Variants in CHAT observed in about 807,000 individuals in gnomAD.
CHAT encodes the protein choline O-acetyltransferase, also known as acetyl CoA:choline O-acetyltransferase.
CHAT carries 61 observed loss-of-function variants against 76.9 expected under a neutral mutation model. The ratio of observed to expected loss-of-function variants is 0.79; its 90% CI spans 0.65 to 0.98. CHAT has a LOEUF of 0.98. Among genes scored for constraint, CHAT ranks in the 50% least tolerant of loss-of-function variants. The pLI is 0.00. For synonymous variants in CHAT, 407 were observed against 397.4 expected (o/e 1.02, Z -0.29); for missense variants, 946 against 986.9 (o/e 0.96, Z 0.56).
upstream of CHAT, chr10:49,612,683 G>A: frequency 3.4e-6 from 1 of 292,246 alleles, no homozygotes. Context: ...GCACCGCGGC[G>A]CCTCCGCCCA....
intron 5 of CHAT, 64 bp downstream of exon 5, chr10:49,622,214 G>T: frequency 1.9e-6 from 3 of 1,542,084 alleles, no homozygotes; most frequent in Non-Finnish European, 2.7e-6. Flanking sequence ...CTCCCTTGCA[G>T]GGACCTTGTC....
chr10:49,634,113 G>A (rs1839217051), intron 7 of CHAT, among the ~76,000 whole-genome samples: 1 of 152,204 alleles, frequency 6.6e-6, no homozygotes, highest in Non-Finnish European at 1.5e-5. Context: ...CTCTGGAAAG[G>A]GGCTGGGCCA....
chr10:49,633,861 A>G (rs1839208709), intron 7 of CHAT, among the ~76,000 whole-genome samples: 1 of 152,180 alleles, frequency 6.6e-6, no homozygotes, highest in Admixed American at 6.5e-5. Flanking sequence ...ACAGTCAATT[A>G]GAGCTGAGCC....
At chr10:49,610,934 G>T, upstream of CHAT, 1 of 1,610,550 alleles carries the variant, frequency 6.2e-7, no homozygotes, top group Non-Finnish European at 8.5e-7. Flanking sequence ...GCCCACATGC[G>T]CGGGGGCGGC....
intron 4 of CHAT, 149 bp downstream of exon 4, chr10:49,620,762 C>G (rs1410590009): frequency 1.4e-6 from 1 of 699,878 alleles, no homozygotes. Flanking sequence ...TCCAGGCCAT[C>G]AGGTGGGGAG....
At chr10:49,617,170 TCTTCCCC>T (rs146675172) in intron 2 of CHAT, among the ~76,000 whole-genome samples, 4,359 of 152,104 alleles carry the variant, frequency 0.029, 82 homozygotes, top group Non-Finnish European at 0.041. Flanking sequence ...TTGCCACTCC[TCTTCCCC>T]CTTCCCCCTT....
chr10:49,619,406 G>C (rs562379139), intron 2 of CHAT, among the ~76,000 whole-genome samples: 1 of 152,348 alleles, frequency 6.6e-6, no homozygotes, highest in African/African-American at 2.4e-5. Context: ...CTGAGGCACA[G>C]AGGGAGGCTG....
At chr10:49,627,827 C>T in intron 7 of CHAT, 42 bp downstream of exon 7, 1 of 1,599,266 alleles carries the variant, frequency 6.3e-7, no homozygotes, top group Non-Finnish European at 8.5e-7. Flanking sequence ...CCATCTCATG[C>T]TCGTGCCCAT....
rs939893382 is a variant in CHAT at position 49,667,237 on chromosome 10, G to C, written c.*2191G>C. Among the ~76,000 whole-genome samples, 1 of 152,162 alleles carries C rather than the reference G, an allele frequency of 6.6e-6. No individual in the cohort carries two copies. The highest frequency in any genetic ancestry group is 2.4e-5 in the African/African-American group (1 of 41,448). Reference sequence around the variant, plus strand: ...GGAGGAAAGAACTAAGTCTCTCCTAGTCTATGGCATGCTATCATGGGGTCA... The same window carrying C: ...GGAGGAAAGAACTAAGTCTCTCCTACTCTATGGCATGCTATCATGGGGTCA... On this transcript the variant is annotated 3_prime_UTR_variant, in exon 15 of 15. Transcript: ENST00000337653.
At chr10:49,638,410 T>C (rs1221629025) in intron 7 of CHAT, among the ~76,000 whole-genome samples, 2 of 152,240 alleles carry the variant, frequency 1.3e-5, no homozygotes, top group African/African-American at 4.8e-5. Flanking sequence ...GTCTTCTAAT[T>C]GGTGTATTTA....
At chr10:49,640,179 T>C (rs1839433150) in intron 7 of CHAT, among the ~76,000 whole-genome samples, 1 of 152,102 alleles carries the variant, frequency 6.6e-6, no homozygotes, top group South Asian at 2.1e-4. Flanking sequence ...ATTTTATTTA[T>C]TTATTTATTT....
At position 49,665,625 on chromosome 10, in the gene CHAT, A is replaced by T. The variant is rs1840325979; in HGVS notation, c.*579A>T. On this transcript the variant is annotated 3_prime_UTR_variant, in exon 15 of 15. Coordinates refer to ENST00000337653, the MANE Select transcript of CHAT (RefSeq NM_020549.5). ...CCTCCCACACACACCACAGAGCCCAAGTCCATTTAAAATATAGTGACTTGG... is the reference window on the plus strand; with the variant it reads ...CCTCCCACACACACCACAGAGCCCATGTCCATTTAAAATATAGTGACTTGG... Among the ~76,000 whole-genome samples the T allele has an allele frequency of 6.6e-6, 1 of 152,118 alleles. No homozygotes were observed.
chr10:49,649,510 C>G lies in CHAT; in HGVS notation c.1385C>G (p.Thr462Arg). The G allele has an allele frequency of 6.2e-7, 1 of 1,613,792 alleles. No homozygotes were observed. Among genetic ancestry groups the G allele is most frequent in the Non-Finnish European group, 8.5e-7 (1 of 1,180,050 alleles). ...GGAGGTTGCCTCTGTGCCCGCAGGA[C>G]GCAGAGCAGCAGGAAGCTGATCCGA... ...QCTEHLLKHV[T>R]QSSRKLIRAD... The change falls in exon 10 of 15, where the codon ACG becomes AGG. Residue 462 changes from threonine to arginine, a missense_variant and splice_region_variant. Thr to Arg is a moderately conservative substitution (Grantham distance 71, BLOSUM62 -1). Coordinates refer to ENST00000337653, the MANE Select transcript of CHAT (RefSeq NM_020549.5).
chr10:49,665,194 C>A lies in CHAT; in HGVS notation c.*148C>A. 2.3e-6 allele frequency: 2 copies of A among 887,682 alleles called. No homozygotes were observed. Among genetic ancestry groups the A allele is most frequent in the Non-Finnish European group, 3.7e-6 (2 of 547,826 alleles). 55.0% of individuals were successfully genotyped at this position (887,682 alleles called of 1,614,324 possible). ...ACCATACAGAGACATCACACAGAGCCGGAGTGTTAGGAGGAAAGGGTCCCC... is the reference window on the plus strand; with the variant it reads ...ACCATACAGAGACATCACACAGAGCAGGAGTGTTAGGAGGAAAGGGTCCCC... On this transcript the variant is annotated 3_prime_UTR_variant, in exon 15 of 15. Transcript: ENST00000337653.
chr10:49,629,762 C>T (rs1839050574), intron 7 of CHAT, among the ~76,000 whole-genome samples: 2 of 152,020 alleles, frequency 1.3e-5, no homozygotes, highest in Non-Finnish European at 2.9e-5. Context: ...CCGATTAATC[C>T]AGTTAGCGCC....
intron 7 of CHAT, among the ~76,000 whole-genome samples, chr10:49,639,368 T>C (rs1839400874): frequency 6.6e-6 from 1 of 152,172 alleles, no homozygotes; most frequent in Non-Finnish European, 1.5e-5. Flanking sequence ...TCTTCATTTC[T>C]GAAGGATATT....
chr10:49,627,723 T>G lies in CHAT; in HGVS notation c.1049T>G (p.Ile350Ser). The change falls in exon 7 of 15, where the codon ATT (isoleucine) becomes AGT (serine). Residue 350 changes from isoleucine to serine, a missense_variant. By Grantham distance (142) the Ile-to-Ser change is moderately radical. Transcript: ENST00000337653. ...ASNEDERLPP[I>S]GLLTSDGRSE... ...AACGAGGACGAGCGTTTGCCTCCAA[T>G]TGGCCTGCTGACGTCTGACGGGAGG... 1 of 1,614,118 alleles carries G rather than the reference T, an allele frequency of 6.2e-7. No homozygotes were observed. Among genetic ancestry groups the G allele is most frequent in the Non-Finnish European group, 8.5e-7 (1 of 1,179,950 alleles).
chr10:49,638,118 T>C (rs1041765497), intron 7 of CHAT, among the ~76,000 whole-genome samples: 4 of 152,228 alleles, frequency 2.6e-5, no homozygotes, highest in Admixed American at 1.3e-4. Flanking sequence ...TTTTATAGTA[T>C]GCTTGGTATA....
At chr10:49,620,034 C>G in intron 3 of CHAT, 118 bp downstream of exon 3, 1 of 1,018,468 alleles carries the variant, frequency 9.8e-7, no homozygotes, top group Non-Finnish European at 1.5e-6. Flanking sequence ...AGATGAGGGA[C>G]AGGGATGGGG....
Sources: gnomAD v4.1 joint callset for allele counts (sites outside exome capture counted in the v4.1 genomes callset) on GRCh38, gnomAD v4.1.1 for gene constraint, MANE v1.5 for transcripts, NCBI Gene and HGNC (gene_info 2026-07-23, HGNC 2026-07-21) for gene names.